Variants in TJP2 observed in about 807,000 individuals in gnomAD.
The protein encoded by TJP2 is tight junction protein 2, also known as Friedreich ataxia region gene X104 (tight junction protein ZO-2).
TJP2 carries 91 observed loss-of-function variants against 133.1 expected under a neutral mutation model. That is an observed-to-expected ratio of 0.68 (90% CI 0.58 to 0.81). TJP2 has a LOEUF of 0.81. Among genes scored for constraint, TJP2 ranks in the 40% least tolerant of loss-of-function variants. TJP2 has a pLI of 0.00. For missense variants in TJP2, 1,541 were observed against 1,565.6 expected, an observed-to-expected ratio of 0.98 and a Z score of 0.26; for synonymous variants, 592 against 583.4, an observed-to-expected ratio of 1.01 and a Z score of -0.21.
intron 7 of TJP2, 113 bp downstream of exon 7, chr9:69,226,288 C>T (rs1829344225): frequency 8.3e-7 from 1 of 1,211,634 alleles, no homozygotes; most frequent in African/African-American, 1.5e-5. Context: ...AGGAAAGACC[C>T]CTTGAAACCT....
Position 69,220,936 on chromosome 9 carries a change from C to T in TJP2, c.392C>T (p.Pro131Leu). The change falls in exon 5 of 23, where the codon CCT (proline) becomes CTT (leucine). Residue 131 changes from proline to leucine, a missense_variant. Pro to Leu is a moderately conservative substitution (Grantham distance 98). Transcript: ENST00000377245. Reference protein sequence around the residue: ...KVQVAALQASPPLDQDDRAFE... With the variant: ...KVQVAALQASLPLDQDDRAFE... ...CAGGTGGCCGCACTTCAGGCCAGCC[C>T]TCCCCTGGATCAGGATGACCGGGCT... 6.2e-7 allele frequency: 1 copy of T among 1,612,628 alleles called. No homozygotes were observed. Among genetic ancestry groups the T allele is most frequent in the Non-Finnish European group, 8.5e-7 (1 of 1,180,020 alleles).
intron 12 of TJP2, among the ~76,000 whole-genome samples, chr9:69,235,583 A>G (rs1054627463): frequency 2.0e-5 from 3 of 152,024 alleles, no homozygotes; most frequent in African/African-American, 7.3e-5. Context: ...TGGCCTCCCA[A>G]AGTGCTGGGA....
intron 1 of TJP2, among the ~76,000 whole-genome samples, chr9:69,188,794 G>T (rs969806751): frequency 2.0e-5 from 3 of 152,136 alleles, no homozygotes; most frequent in African/African-American, 7.2e-5. Flanking sequence ...TATCATGTGA[G>T]AGTATTCTTT....
chr9:69,229,379 C>T (rs1369426710), intron 10 of TJP2, 129 bp downstream of exon 10: 1 of 868,946 alleles, frequency 1.2e-6, no homozygotes, highest in African/African-American at 1.7e-5. Context: ...TGTAACCAAT[C>T]CCCATTGGTA....
exon 1 of TJP2, chr9:69,121,602 G>C (rs935235226): frequency 6.5e-6 from 1 of 153,412 alleles, no homozygotes; most frequent in Non-Finnish European, 1.4e-5. Context: ...GACGCGCGCA[G>C]GGAGCGCAGG....
chr9:69,131,812 T>C (rs1822506254), intron 1 of TJP2, among the ~76,000 whole-genome samples: 1 of 152,140 alleles, frequency 6.6e-6, no homozygotes. Context: ...TGGACAGGAC[T>C]GGAAAGGAAA....
chr9:69,198,106 G>T (rs1826717330), intron 1 of TJP2, among the ~76,000 whole-genome samples: 2 of 150,846 alleles, frequency 1.3e-5, no homozygotes, highest in African/African-American at 4.9e-5. Flanking sequence ...GAAAGCTACA[G>T]GTTGCCTCAG....
At chr9:69,248,553 C>CT (rs922279254) in intron 19 of TJP2, 2 of 1,230,814 alleles carry the variant, frequency 1.6e-6, no homozygotes, top group Non-Finnish European at 2.0e-6. Context: ...GTTGTATGTA[C>CT]TTGTAACCTT....
chr9:69,246,086 A>G (rs1268543282), intron 17 of TJP2: 1 of 157,234 alleles, frequency 6.4e-6, no homozygotes, highest in Non-Finnish European at 1.4e-5. Context: ...CGTAGCATTT[A>G]CATTGTATTA....
chr9:69,155,646 T>C (rs923810030), intron 2 of TJP2, among the ~76,000 whole-genome samples: 12 of 152,220 alleles, frequency 7.9e-5, no homozygotes, highest in Non-Finnish European at 1.5e-5. Context: ...TCTCTATCTG[T>C]GGGGAAGGGA....
chr9:69,129,177 A>C (rs373686396), intron 1 of TJP2, among the ~76,000 whole-genome samples: 29 of 152,222 alleles, frequency 1.9e-4, no homozygotes, highest in African/African-American at 6.8e-4. Context: ...ACACAAACGG[A>C]CTAGTGTACA....
intron 1 of TJP2, among the ~76,000 whole-genome samples, chr9:69,193,863 T>C (rs1312076951): frequency 6.6e-6 from 1 of 152,000 alleles, no homozygotes; most frequent in African/African-American, 2.4e-5. Flanking sequence ...TCCAGTATGA[T>C]GGAGCAATTG....
chr9:69,248,410 CA>C, intron 19 of TJP2, 186 bp downstream of exon 19: 1 of 1,433,504 alleles, frequency 7.0e-7, no homozygotes, highest in Non-Finnish European at 9.2e-7. Flanking sequence ...GTGGGGCAGG[CA>C]GGTGGACTTC....
At chr9:69,184,755 T>C (rs1251717049) in intron 1 of TJP2, among the ~76,000 whole-genome samples, 9 of 146,920 alleles carry the variant, frequency 6.1e-5, no homozygotes, top group Admixed American at 2.0e-4. Context: ...CTCTCTTCTT[T>C]TTTTTTTTTT....
chr9:69,192,303 T>C (rs1205722330), intron 1 of TJP2, among the ~76,000 whole-genome samples: 1 of 151,876 alleles, frequency 6.6e-6, no homozygotes, highest in East Asian at 1.9e-4. Flanking sequence ...AAAAAAACTT[T>C]CATGTTAAAT....
intron 1 of TJP2, among the ~76,000 whole-genome samples, chr9:69,150,092 G>C (rs1412127017): frequency 2.6e-5 from 4 of 152,040 alleles, no homozygotes; most frequent in African/African-American, 9.7e-5. Context: ...GGTGGTTGCA[G>C]TGAGCCGAGA....
intron 2 of TJP2, among the ~76,000 whole-genome samples, chr9:69,164,670 C>T (rs12339203): frequency 0.01 from 1,524 of 152,256 alleles, 32 homozygotes; most frequent in African/African-American, 0.031. Flanking sequence ...GAGCAAAAAT[C>T]GTCTTGCATT....
At chr9:69,202,794 G>T (rs1240670066) in intron 1 of TJP2, among the ~76,000 whole-genome samples, 3 of 151,990 alleles carry the variant, frequency 2.0e-5, no homozygotes, top group African/African-American at 4.8e-5. Context: ...AGGGGAGGCA[G>T]GCACACTCTG....
intron 2 of TJP2, among the ~76,000 whole-genome samples, chr9:69,168,474 A>T (rs1824479412): frequency 6.6e-6 from 1 of 152,110 alleles, no homozygotes; most frequent in Non-Finnish European, 1.5e-5. Flanking sequence ...AAAAAGAAAA[A>T]AGAGGAGGAC....
Sources: gnomAD v4.1 joint callset for allele counts (sites outside exome capture counted in the v4.1 genomes callset) on GRCh38, gnomAD v4.1.1 for gene constraint, MANE v1.5 for transcripts, NCBI Gene and HGNC (gene_info 2026-07-23, HGNC 2026-07-21) for gene names.